The following FNBP1 variants were observed in gnomAD, a reference collection of about 807,000 sequenced individuals.
FNBP1 encodes formin-binding protein 1.
FNBP1 carries 26 observed loss-of-function variants against 90.6 expected under a neutral mutation model. The ratio of observed to expected loss-of-function variants is 0.29; its 90% CI spans 0.21 to 0.40. The LOEUF (loss-of-function observed/expected upper bound fraction) is 0.40, where lower values mean the gene tolerates loss of function less well. FNBP1 is among the 10% of genes least tolerant of loss of function. The pLI is 1.00. For synonymous variants in FNBP1, 260 were observed against 265.2 expected (o/e 0.98, Z 0.19); for missense variants, 635 against 768.0 (o/e 0.83, Z 2.05).
upstream of FNBP1, chr9:130,045,133 T>A (rs117563812): frequency 0.016 from 2,510 of 152,210 alleles, 29 homozygotes; most frequent in Non-Finnish European, 0.026. Context: ...CCCACCCCCA[T>A]TCTTGTGTCT....
At chr9:130,039,316 A>AATGTTATGAAGAGCT (rs1421346418) in intron 1 of FNBP1, among the ~76,000 whole-genome samples, 1 of 152,226 alleles carries the variant, frequency 6.6e-6, no homozygotes, top group Non-Finnish European at 1.5e-5. Flanking sequence ...ATTAAAAGGC[A>AATGTTATGAAGAGCT]ATGTTATGAA....
At chr9:129,973,223 C>A (rs2049765448) in intron 4 of FNBP1, among the ~76,000 whole-genome samples, 1 of 152,142 alleles carries the variant, frequency 6.6e-6, no homozygotes, top group South Asian at 2.1e-4. Flanking sequence ...ATGCTGTCAG[C>A]CCCTCATCAC....
At chr9:129,956,812 T>C (rs2047007562) in intron 6 of FNBP1, among the ~76,000 whole-genome samples, 1 of 152,220 alleles carries the variant, frequency 6.6e-6, no homozygotes, top group South Asian at 2.1e-4. Context: ...GTTCATAGTC[T>C]AAGTCTCCAC....
upstream of FNBP1, among the ~76,000 whole-genome samples, chr9:130,044,466 GAA>G (rs33931674): frequency 0.56 from 84,735 of 150,116 alleles, 24,271 homozygotes; most frequent in East Asian, 0.81. Context: ...TCTACAAAAA[GAA>G]AAAAAAAAAA....
At chr9:129,907,716 C>A (rs1249321060) in intron 12 of FNBP1, among the ~76,000 whole-genome samples, 2 of 151,874 alleles carry the variant, frequency 1.3e-5, no homozygotes, top group African/African-American at 2.4e-5. Context: ...TGCTTTATGG[C>A]AAATGGGTTT....
chr9:129,968,395 CAAAAAAAAAA>C (rs775896038), intron 4 of FNBP1, among the ~76,000 whole-genome samples: 3 of 69,132 alleles, frequency 4.3e-5, no homozygotes, highest in Admixed American at 1.5e-4. Context: ...AACTCCGTCT[CAAAAAAAAAA>C]AAAAAAAAAA....
At chr9:129,908,807 C>T (rs772576206) in intron 12 of FNBP1, 83 bp downstream of exon 12, 50 of 848,208 alleles carry the variant, frequency 5.9e-5, no homozygotes, top group Admixed American at 1.0e-4. Context: ...CCCACCGCAG[C>T]CTCCCAAAGT....
intron 10 of FNBP1, among the ~76,000 whole-genome samples, chr9:129,918,397 T>C (rs764849813): frequency 6.6e-6 from 1 of 152,230 alleles, no homozygotes; most frequent in African/African-American, 2.4e-5. Context: ...AAGATTTCAT[T>C]AAGTGCATTG....
At chr9:130,036,269 A>G (rs2059303883) in intron 1 of FNBP1, among the ~76,000 whole-genome samples, 2 of 152,228 alleles carry the variant, frequency 1.3e-5, no homozygotes, top group South Asian at 4.1e-4. Context: ...TATGAGTAAT[A>G]CTTGCAGGAA....
In FNBP1 at chr9:129,890,270, G is replaced by GGTC; in HGVS notation, c.*268_*269insGAC. On this transcript the variant is annotated 3_prime_UTR_variant, in exon 17 of 17. Coordinates refer to ENST00000446176, the MANE Select transcript of FNBP1 (RefSeq NM_015033.3). This position sits in a 1 kb window ranked among gnomAD's most constrained non-coding sequence, Gnocchi z 5.8. ...GGGGCGTGTGTCCCACCGTCTCAGTGGCCTGCGCGGGGTGGGGAGGGGGAG... is the reference window on the plus strand; with the variant it reads ...GGGGCGTGTGTCCCACCGTCTCAGTGGTCGCCTGCGCGGGGTGGGGAGGGGGAG... 1.9e-6 allele frequency: 1 copy of GGTC among 530,110 alleles called. No individual in the cohort carries two copies. The highest frequency in any genetic ancestry group is 3.3e-6 in the Non-Finnish European group (1 of 298,718). 32.8% of individuals were successfully genotyped at this position (530,110 alleles called of 1,614,324 possible). A position where few individuals can be genotyped will look rare whatever the true frequency, so the allele number is the denominator to read the frequency against.
intron 16 of FNBP1, 83 bp downstream of exon 16, chr9:129,895,753 CTG>C: frequency 6.9e-7 from 1 of 1,441,574 alleles, no homozygotes; most frequent in African/African-American, 1.4e-5. Context: ...GAGGAACTGC[CTG>C]TAACAGTCAT....
chr9:129,941,409 G>A (rs1457464420), intron 6 of FNBP1, among the ~76,000 whole-genome samples: 1 of 152,010 alleles, frequency 6.6e-6, no homozygotes, highest in African/African-American at 2.4e-5. Flanking sequence ...ATAAATAAAT[G>A]CTATTAAATA....
At chr9:129,932,701 C>T (rs567526681) in intron 6 of FNBP1, among the ~76,000 whole-genome samples, 1 of 152,062 alleles carries the variant, frequency 6.6e-6, no homozygotes, top group Non-Finnish European at 1.5e-5. Flanking sequence ...TTGTTGGTGG[C>T]CTGTTAACTC....
chr9:129,900,278 G>A lies in FNBP1; in HGVS notation c.1550+148C>T. ...CCATCCCATGTGGAATTATAAATCT[G>A]CATCATGGAAAAAGTGACAGGTCAA... On this transcript the variant is annotated intron_variant, in intron 14 of 16. Transcript: ENST00000446176. This position sits in a 1 kb window ranked among gnomAD's most constrained non-coding sequence, Gnocchi z 4.1. 9.1e-7 allele frequency: 1 copy of A among 1,098,142 alleles called. No individual in the cohort carries two copies. The highest frequency in any genetic ancestry group is 1.9e-5 in the South Asian group (1 of 52,706). The allele number at this position is 1,098,142 out of a possible 1,614,324, so 68.0% of individuals were successfully genotyped here.
intron 8 of FNBP1, 25 bp downstream of exon 8, chr9:129,927,170 A>G (rs2042043972): frequency 6.2e-7 from 1 of 1,611,068 alleles, no homozygotes; most frequent in Non-Finnish European, 8.5e-7. Context: ...ATAGTTATCA[A>G]TGAAGTCCAA....
At position 129,960,514 on chromosome 9, in the gene FNBP1, A is replaced by C. The variant is rs115262569; in HGVS notation, c.346-1961T>G. 8.6e-3 allele frequency among the ~76,000 whole-genome samples: 1,307 copies of C among 152,208 alleles called. 21 individuals are homozygous for C. The highest frequency in any genetic ancestry group is 0.03 in the African/African-American group (1,244 of 41,522). On this transcript the variant is annotated intron_variant, in intron 4 of 16. Transcript: ENST00000446176. ...TCATTATTAGATTATTTTAAATATA[A>C]AGATAAATTTCCCTCCTGGCCATCT... is the stretch of plus-strand genomic sequence containing the variant.
intron 1 of FNBP1, among the ~76,000 whole-genome samples, chr9:130,035,344 C>T (rs2059214392): frequency 6.6e-6 from 1 of 152,176 alleles, no homozygotes; most frequent in African/African-American, 2.4e-5. Flanking sequence ...AGAGGCCGAG[C>T]CATTTCTGCC....
At chr9:130,036,126 A>G (rs2132286759) in intron 1 of FNBP1, among the ~76,000 whole-genome samples, 1 of 152,334 alleles carries the variant, frequency 6.6e-6, no homozygotes, top group East Asian at 1.9e-4. Flanking sequence ...TAATTCCAGA[A>G]GACTTCACAC....
At chr9:129,922,887 A>T (rs1382369573) in intron 10 of FNBP1, among the ~76,000 whole-genome samples, 1 of 151,802 alleles carries the variant, frequency 6.6e-6, no homozygotes, top group Non-Finnish European at 1.5e-5. Flanking sequence ...TGTTTTTATT[A>T]TTTATTATTT....
Sources: allele counts gnomAD v4.1 joint callset (sites outside exome capture counted in the v4.1 genomes callset), GRCh38; gene constraint gnomAD v4.1.1; non-coding constraint Gnocchi (gnomAD v3.1); transcripts MANE v1.5; gene names NCBI Gene and HGNC (gene_info 2026-07-23, HGNC 2026-07-21).